Variants in SPTBN1 observed in about 807,000 individuals in gnomAD.
The protein encoded by SPTBN1 is spectrin beta, non-erythrocytic 1.
In SPTBN1, 32 loss-of-function variants were observed where a neutral mutation model predicts 266.4. The ratio of observed to expected loss-of-function variants is 0.12; its 90% CI spans 0.09 to 0.16. SPTBN1 has a LOEUF of 0.16. Ranked by LOEUF, SPTBN1 falls within the 10% of genes least tolerant of loss-of-function variation. The pLI is 1.00. For synonymous variants in SPTBN1, 1,336 were observed against 1,162.2 expected (o/e 1.15, Z -3.04); for missense variants, 2,296 against 3,067.1 (o/e 0.75, Z 5.94).
At chr2:54,578,287 A>T (rs1674626765) in intron 2 of SPTBN1, among the ~76,000 whole-genome samples, 1 of 152,238 alleles carries the variant, frequency 6.6e-6, no homozygotes, top group Admixed American at 6.5e-5. Flanking sequence ...ACATGGAGTT[A>T]GGCCAGGAAA....
At chr2:54,536,885 T>C (rs1671638387) in intron 2 of SPTBN1, among the ~76,000 whole-genome samples, 1 of 151,824 alleles carries the variant, frequency 6.6e-6, no homozygotes, top group South Asian at 2.1e-4. Context: ...TAAAAAAAAT[T>C]AGCTGAACAC....
intron 1 of SPTBN1, among the ~76,000 whole-genome samples, chr2:54,476,108 A>G (rs1216766939): frequency 6.6e-6 from 1 of 151,670 alleles, no homozygotes; most frequent in Non-Finnish European, 1.5e-5. Flanking sequence ...AAAGATCTCC[A>G]GAATCTCGGT....
At chr2:54,556,218 A>T (rs1445720448) in intron 2 of SPTBN1, among the ~76,000 whole-genome samples, 3 of 152,196 alleles carry the variant, frequency 2.0e-5, no homozygotes, top group Non-Finnish European at 4.4e-5. Context: ...CCCTGGTCCC[A>T]TCACACCAAA....
In SPTBN1 at chr2:54,601,597, C is replaced by T. The variant is rs181781379; in HGVS notation, c.300+2354C>T. 5.3e-5 allele frequency among the ~76,000 whole-genome samples: 8 copies of T among 152,324 alleles called. No homozygotes were observed. In the East Asian group the frequency reaches 1.2e-3, roughly 22 times the overall value. Reference sequence around the variant, plus strand: ...TAAGTGTGTCATCAGATAACATTAGCTGGGCTTTCTGCACCAGTGGTCCAA... The same window carrying T: ...TAAGTGTGTCATCAGATAACATTAGTTGGGCTTTCTGCACCAGTGGTCCAA... On this transcript the variant is annotated intron_variant, in intron 3 of 35. Coordinates refer to ENST00000356805, the MANE Select transcript of SPTBN1 (RefSeq NM_003128.3).
At chr2:54,661,243 A>G in intron 32 of SPTBN1, 1 of 985,906 alleles carries the variant, frequency 1.0e-6, no homozygotes, top group Middle Eastern at 5.2e-4. Context: ...TTTCCTTAGA[A>G]ATAAAAGCTG....
rs371482749 is a variant in SPTBN1, at chr2:54,623,506, G to A, written c.1092G>A (p.Val364=). Reference sequence around the variant, plus strand: ...TTACTGAGAAGGGGAACTTGGAAGTGCTGCTCTTCACCATTCAGAGCAAGA... The same window carrying A: ...TTACTGAGAAGGGGAACTTGGAAGTACTGCTCTTCACCATTCAGAGCAAGA... ...PKFTEKGNLE[V]LLFTIQSKMR... Residue 364 remains valine, a synonymous_variant, in exon 10 of 36, where the codon GTG becomes GTA. Coordinates refer to ENST00000356805, the MANE Select transcript of SPTBN1 (RefSeq NM_003128.3). 3.1e-6 allele frequency: 5 copies of A among 1,614,136 alleles called. No homozygotes were observed. In the South Asian group the frequency reaches 5.5e-5, roughly 18 times the overall value.
intron 1 of SPTBN1, among the ~76,000 whole-genome samples, chr2:54,496,660 G>T (rs955047179): frequency 4.6e-5 from 7 of 152,152 alleles, no homozygotes; most frequent in Non-Finnish European, 8.8e-5. Flanking sequence ...CAACTTATAT[G>T]AAAACATATC....
intron 2 of SPTBN1, among the ~76,000 whole-genome samples, chr2:54,578,322 G>C (rs954570370): frequency 6.6e-6 from 1 of 152,190 alleles, no homozygotes; most frequent in African/African-American, 2.4e-5. Flanking sequence ...CAGATTATTG[G>C]AGATTGCTGA....
intron 2 of SPTBN1, among the ~76,000 whole-genome samples, chr2:54,562,065 T>C (rs757523773): frequency 2.0e-5 from 3 of 152,210 alleles, no homozygotes; most frequent in Admixed American, 6.5e-5. Flanking sequence ...AATTAAGTTA[T>C]CACTTTCCTC....
intron 1 of SPTBN1, among the ~76,000 whole-genome samples, chr2:54,496,169 A>C (rs1668958363): frequency 6.6e-6 from 1 of 152,040 alleles, no homozygotes. Flanking sequence ...AGGCACGATG[A>C]CTCACACCTG....
chr2:54,624,649 T>C (rs888843114), intron 10 of SPTBN1, among the ~76,000 whole-genome samples, 155 bp from the exon 11 acceptor site: 54 of 152,214 alleles, frequency 3.5e-4, no homozygotes, highest in African/African-American at 1.3e-3. Flanking sequence ...GTTTTTTTCC[T>C]CAAGGCTTGA....
At chr2:54,544,096 A>G (rs530981389) in intron 2 of SPTBN1, among the ~76,000 whole-genome samples, 2 of 152,342 alleles carry the variant, frequency 1.3e-5, no homozygotes, top group Non-Finnish European at 2.9e-5. Flanking sequence ...GAACATTACT[A>G]TAATACTAAT....
At chr2:54,622,162 T>C in intron 8 of SPTBN1, 138 bp from the exon 9 acceptor site, 1 of 787,014 alleles carries the variant, frequency 1.3e-6, no homozygotes, top group Admixed American at 2.8e-5. Flanking sequence ...TGTGCCCAGG[T>C]ACAGCTGAAC....
At chr2:54,507,973 GGAATGA>G (rs755422413) in intron 1 of SPTBN1, among the ~76,000 whole-genome samples, 10 of 152,054 alleles carry the variant, frequency 6.6e-5, no homozygotes, top group Non-Finnish European at 1.0e-4. Flanking sequence ...CATAAGAACG[GGAATGA>G]GAATAAGAGT....
At chr2:54,627,945 T>G in intron 12 of SPTBN1, 152 bp from the exon 13 acceptor site, 2 of 803,604 alleles carry the variant, frequency 2.5e-6, no homozygotes, top group South Asian at 4.8e-5. Context: ...TCTGGTTTGT[T>G]GGCCATCATC....
chr2:54,559,203 G>A (rs1323626951), intron 2 of SPTBN1, among the ~76,000 whole-genome samples: 2 of 152,152 alleles, frequency 1.3e-5, no homozygotes, highest in African/African-American at 4.8e-5. Context: ...TTATTAGTAT[G>A]CAGGTATTTG....
At chr2:54,647,375 C>G (rs992562061) in intron 24 of SPTBN1, 114 bp downstream of exon 24, 1 of 1,425,884 alleles carries the variant, frequency 7.0e-7, no homozygotes, top group East Asian at 2.3e-5. Flanking sequence ...GCTGGTAAGG[C>G]AAATCTTTGA....
chr2:54,466,139 G>A (rs1303683137), intron 1 of SPTBN1, among the ~76,000 whole-genome samples: 3 of 152,086 alleles, frequency 2.0e-5, no homozygotes, highest in African/African-American at 4.8e-5. Flanking sequence ...TAATATCTCT[G>A]CTCTAGAATC....
At chr2:54,590,129 A>G (rs748112544) in intron 2 of SPTBN1, among the ~76,000 whole-genome samples, 1 of 152,272 alleles carries the variant, frequency 6.6e-6, no homozygotes, top group African/African-American at 2.4e-5. Context: ...CAAGCAAACA[A>G]AAAACAGAAT....
Sources: allele counts gnomAD v4.1 joint callset (sites outside exome capture counted in the v4.1 genomes callset), GRCh38; gene constraint gnomAD v4.1.1; transcripts MANE v1.5; gene names NCBI Gene and HGNC (gene_info 2026-07-23, HGNC 2026-07-21).